Variants in ATG4A observed in about 807,000 individuals in gnomAD.
ATG4A encodes autophagy related 4A cysteine peptidase.
Under a neutral mutation model 38.4 loss-of-function variants are expected in ATG4A, and 22 were observed. That is an observed-to-expected ratio of 0.57 (90% confidence interval 0.41 to 0.82). The LOEUF (loss-of-function observed/expected upper bound fraction) is 0.82, where lower values mean the gene tolerates loss of function less well. Ranked by LOEUF, ATG4A falls within the 40% of genes least tolerant of loss-of-function variation. ATG4A has a pLI of 0.00. For missense variants in ATG4A, 220 were observed against 290.0 expected, an observed-to-expected ratio of 0.76 and a Z score of 1.75; for synonymous variants, 86 against 100.7, an observed-to-expected ratio of 0.85 and a Z score of 0.88.
chrX:108,130,157 C>G (rs1014332613), intron 3 of ATG4A, among the ~76,000 whole-genome samples: 4 of 111,300 alleles, frequency 3.6e-5, no homozygotes, highest in African/African-American at 1.3e-4. Context: ...TTGGCTCCCT[C>G]CTTCCCATCT....
At chrX:108,118,288 G>A (rs1602635073) in intron 1 of ATG4A, among the ~76,000 whole-genome samples, 1 of 111,761 alleles carries the variant, frequency 8.9e-6, no homozygotes, top group South Asian at 3.8e-4. Context: ...TTGTTGCAAC[G>A]ACTTTCTCAT....
chrX:108,128,828 T>C lies in ATG4A; in HGVS notation c.169T>C (p.Tyr57His). The C allele has an allele frequency of 2.5e-6, 3 of 1,187,240 alleles. No individual in the cohort carries two copies. Among genetic ancestry groups the C allele is most frequent in the Non-Finnish European group, 2.3e-6 (2 of 883,094 alleles). Residue 57 changes from tyrosine (Y) to histidine (H), a missense_variant, in exon 3 of 13, where the codon TAC (tyrosine) becomes CAC (histidine). Physicochemically the swap from Tyr to His is moderately conservative, Grantham distance 83 (BLOSUM62 2). Around this residue, in one of 3 missense-constraint regions of ATG4A, gnomAD observed 61 missense variants for 83.3 expected, o/e 0.73. Transcript: ENST00000372232. ...TATAAGTGCTCGTCTATGGTTTACA[T>C]ACAGAAGGAAATTTTCACCAATTGG... ...SDISARLWFTYRRKFSPIGGT... is the reference protein window; with the variant it reads ...SDISARLWFTHRRKFSPIGGT...
At chrX:108,149,710 T>G (rs1322807776) in intron 9 of ATG4A, among the ~76,000 whole-genome samples, 1 of 111,882 alleles carries the variant, frequency 8.9e-6, no homozygotes, top group Non-Finnish European at 1.9e-5. Context: ...TTACCAGAGG[T>G]GCTTTCTGAG....
chrX:108,138,062 G>T, intron 8 of ATG4A, 51 bp from the exon 9 acceptor site: 1 of 1,198,122 alleles, frequency 8.3e-7, no homozygotes. Context: ...AGAGATCCGT[G>T]AGCAGCAGTC....
chrX:108,127,432 ATT>A (rs1482601308), intron 2 of ATG4A, among the ~76,000 whole-genome samples: 59 of 111,916 alleles, frequency 5.3e-4, no homozygotes, highest in African/African-American at 1.8e-3. Context: ...CTTTAAGTGT[ATT>A]ATCTTTTGAA....
At chrX:108,130,605 T>C (rs781303767) in intron 3 of ATG4A, among the ~76,000 whole-genome samples, 51 of 112,437 alleles carry the variant, frequency 4.5e-4, no homozygotes, top group Non-Finnish European at 8.4e-4. Flanking sequence ...ATTCTCTCAG[T>C]TCTTACAATA....
intron 1 of ATG4A, among the ~76,000 whole-genome samples, chrX:108,094,981 G>A (rs949004225): frequency 8.9e-5 from 10 of 112,629 alleles, no homozygotes; most frequent in African/African-American, 3.2e-4. Flanking sequence ...TTGAGACAGA[G>A]TCTCACTCTG....
At chrX:108,129,870 C>CTTT (rs775581997) in intron 3 of ATG4A, among the ~76,000 whole-genome samples, 4 of 95,033 alleles carry the variant, frequency 4.2e-5, no homozygotes, top group African/African-American at 1.1e-4. Flanking sequence ...GCTCCCGGCC[C>CTTT]TTTTTTTTTT....
intron 1 of ATG4A, among the ~76,000 whole-genome samples, chrX:108,100,287 TG>T (rs1408806203): frequency 8.9e-6 from 1 of 112,172 alleles, no homozygotes; most frequent in African/African-American, 3.2e-5. Flanking sequence ...AAATGATTTT[TG>T]TATGATAGTT....
At chrX:108,146,324 A>G (rs1047728427) in intron 9 of ATG4A, among the ~76,000 whole-genome samples, 1 of 111,454 alleles carries the variant, frequency 9.0e-6, no homozygotes, top group East Asian at 2.8e-4. Flanking sequence ...CTTCCTATCA[A>G]TTTCACTTCT....
At chrX:108,115,195 T>G (rs776903270) in intron 1 of ATG4A, among the ~76,000 whole-genome samples, 1 of 109,477 alleles carries the variant, frequency 9.1e-6, no homozygotes, top group Non-Finnish European at 1.9e-5. Context: ...TCTGCTTCTG[T>G]TAAATAAGAG....
intron 1 of ATG4A, among the ~76,000 whole-genome samples, chrX:108,119,941 A>G (rs1450025758): frequency 1.8e-5 from 2 of 112,273 alleles, no homozygotes; most frequent in South Asian, 7.4e-4. Context: ...AAGATACAGT[A>G]CCATGGAAGC....
chrX:108,140,281 A>G (rs1053205534), intron 9 of ATG4A, among the ~76,000 whole-genome samples: 3 of 110,775 alleles, frequency 2.7e-5, no homozygotes, highest in Admixed American at 2.0e-4. Context: ...GATGTGGGCA[A>G]TCCTCAGTTC....
intron 1 of ATG4A, among the ~76,000 whole-genome samples, chrX:108,095,634 G>A (rs1229884081): frequency 9.1e-6 from 1 of 110,389 alleles, no homozygotes; most frequent in East Asian, 2.8e-4. Context: ...AAGAGTGGCC[G>A]TACCATTTTA....
Position 108,091,785 on chromosome X carries a change from G to C in ATG4A, c.-42G>C, listed in dbSNP as rs2031631475. 6 of 1,209,174 alleles carry C rather than the reference G, an allele frequency of 5.0e-6. No individual in the cohort carries two copies. The highest frequency in any genetic ancestry group is 6.7e-6 in the Non-Finnish European group (6 of 892,974). ...GGATCCTAGCGACCGTCCGTCCGTA[G>C]TCAAGTTGCCGGTGGAATTGGCCCA... On this transcript the variant is annotated 5_prime_UTR_variant, in exon 1 of 13. Coordinates refer to ENST00000372232, the MANE Select transcript of ATG4A (RefSeq NM_052936.5).
At chrX:108,122,284 G>GT (rs1446520620) in intron 1 of ATG4A, among the ~76,000 whole-genome samples, 1 of 112,179 alleles carries the variant, frequency 8.9e-6, no homozygotes, top group Non-Finnish European at 1.9e-5. Context: ...TATTATTAAA[G>GT]TAAGACATTG....
chrX:108,151,978 G>C (rs776445503), intron 11 of ATG4A, 120 bp downstream of exon 11: 36 of 662,113 alleles, frequency 5.4e-5, no homozygotes, highest in African/African-American at 8.7e-5. Context: ...GCAAGAGAAA[G>C]AAACTAAGGC....
chrX:108,123,942 A>G (rs1235712383), intron 1 of ATG4A, among the ~76,000 whole-genome samples: 1 of 112,680 alleles, frequency 8.9e-6, no homozygotes, highest in African/African-American at 3.2e-5. Context: ...AATGCCATCC[A>G]TCCTCACCCC....
At chrX:108,134,929 C>T (rs1252161601) in intron 6 of ATG4A, among the ~76,000 whole-genome samples, 9 of 111,964 alleles carry the variant, frequency 8.0e-5, no homozygotes, top group East Asian at 2.8e-4. Context: ...CTGTTGGGGG[C>T]GACAAACCCC....
Sources: allele counts gnomAD v4.1 joint callset (sites outside exome capture counted in the v4.1 genomes callset), GRCh38; gene constraint gnomAD v4.1.1; regional missense constraint gnomAD v4.1.1; transcripts MANE v1.5; gene names NCBI Gene and HGNC (gene_info 2026-07-23, HGNC 2026-07-21).